FAT3: variants seen among roughly 807,000 people sequenced by gnomAD.
FAT3 encodes protocadherin Fat 3.
FAT3 carries 95 observed loss-of-function variants against 310.2 expected under a neutral mutation model. The ratio of observed to expected loss-of-function variants is 0.31; its 90% CI spans 0.26 to 0.36. FAT3 has a LOEUF of 0.36. Ranked by LOEUF, FAT3 falls within the 10% of genes least tolerant of loss-of-function variation. The pLI, the probability that FAT3 is intolerant of heterozygous loss-of-function variation, is 1.00. For missense variants in FAT3, 5,408 were observed against 5,715.6 expected, an observed-to-expected ratio of 0.95 and a Z score of 1.74; for synonymous variants, 2,314 against 2,192.9, an observed-to-expected ratio of 1.06 and a Z score of -1.54.
chr11:92,695,918 C>T (rs551819075), intron 3 of FAT3, among the ~76,000 whole-genome samples: 3 of 152,238 alleles, frequency 2.0e-5, no homozygotes, highest in Non-Finnish European at 4.4e-5. Flanking sequence ...AAAAATCTAG[C>T]TCAGTGTAGT....
At chr11:92,426,327 G>C (rs188724213) in intron 2 of FAT3, among the ~76,000 whole-genome samples, 24 of 152,168 alleles carry the variant, frequency 1.6e-4, no homozygotes, top group African/African-American at 4.8e-4. Flanking sequence ...CAATTATGTA[G>C]GTTGCCTGTT....
chr11:92,465,856 A>G lies in FAT3; in HGVS notation c.3293-58778A>G, dbSNP rs1219974793. ...GTAAAACTTAAAGTATAATAAAAAA[A>G]AATGCCTTTAAAAGTTAATTGTGGA... On this transcript the variant is annotated intron_variant, in intron 2 of 27. Transcript: ENST00000525166. Among the ~76,000 whole-genome samples, 4 of 152,312 alleles carry G rather than the reference A, an allele frequency of 2.6e-5. No individual in the cohort carries two copies. In the South Asian group the frequency reaches 6.2e-4, roughly 24 times the overall value.
At chr11:92,488,737 G>A (rs1952509111) in intron 2 of FAT3, among the ~76,000 whole-genome samples, 1 of 151,820 alleles carries the variant, frequency 6.6e-6, no homozygotes, top group Admixed American at 6.6e-5. Flanking sequence ...AGTGTTATTT[G>A]CTCAGCAAAG....
At chr11:92,870,118 C>T (rs1413558798) in intron 22 of FAT3, among the ~76,000 whole-genome samples, 5 of 152,200 alleles carry the variant, frequency 3.3e-5, no homozygotes, top group African/African-American at 1.2e-4. Context: ...TATTGGTCAT[C>T]GGTTCTCCTG....
At chr11:92,659,017 C>G (rs1942679980) in intron 3 of FAT3, among the ~76,000 whole-genome samples, 1 of 152,054 alleles carries the variant, frequency 6.6e-6, no homozygotes, top group Non-Finnish European at 1.5e-5. Context: ...TCCTCACTAT[C>G]TAACTGCAGG....
chr11:92,421,219 C>T (rs781328190), intron 2 of FAT3, among the ~76,000 whole-genome samples: 7 of 152,140 alleles, frequency 4.6e-5, no homozygotes, highest in East Asian at 1.9e-4. Flanking sequence ...AATGTCACTT[C>T]GAATTTAACT....
intron 1 of FAT3, among the ~76,000 whole-genome samples, chr11:92,236,700 C>T (rs772866119): frequency 2.6e-5 from 4 of 152,124 alleles, no homozygotes; most frequent in African/African-American, 4.8e-5. Context: ...GCACATAATT[C>T]ATAATATTGG....
At chr11:92,678,462 C>G (rs1943361393) in intron 3 of FAT3, among the ~76,000 whole-genome samples, 1 of 152,124 alleles carries the variant, frequency 6.6e-6, no homozygotes, top group African/African-American at 2.4e-5. Flanking sequence ...TAGCATCAAT[C>G]CATGCATGGA....
At chr11:92,876,061 G>A (rs1481635784) in intron 22 of FAT3, among the ~76,000 whole-genome samples, 2 of 152,016 alleles carry the variant, frequency 1.3e-5, no homozygotes, top group Admixed American at 6.5e-5. Flanking sequence ...CCTGCCCCCA[G>A]GTGCTTCTGA....
chr11:92,228,129 G>A (rs1426927090), intron 1 of FAT3, among the ~76,000 whole-genome samples: 1 of 152,104 alleles, frequency 6.6e-6, no homozygotes, highest in East Asian at 1.9e-4. Context: ...GAATCACACA[G>A]AGAACTCCAC....
chr11:92,816,486 G>A (rs1187531658), intron 13 of FAT3, among the ~76,000 whole-genome samples: 1 of 152,180 alleles, frequency 6.6e-6, no homozygotes, highest in African/African-American at 2.4e-5. Context: ...CCTCAGGCTG[G>A]CCCACCTGCA....
chr11:92,867,660 C>T (rs1329296241), intron 22 of FAT3, among the ~76,000 whole-genome samples: 1 of 152,118 alleles, frequency 6.6e-6, no homozygotes, highest in Non-Finnish European at 1.5e-5. Context: ...GAAGCTAAGA[C>T]TTACAACCTT....
intron 4 of FAT3, among the ~76,000 whole-genome samples, chr11:92,754,072 T>C (rs996947603): frequency 6.6e-6 from 1 of 151,732 alleles, no homozygotes; most frequent in Admixed American, 6.6e-5. Flanking sequence ...ATCCCACAAG[T>C]CACCACTAAA....
At chr11:92,291,080 T>TACACACACACACACACACACACAC (rs141883138) in intron 1 of FAT3, among the ~76,000 whole-genome samples, 2 of 142,796 alleles carry the variant, frequency 1.4e-5, no homozygotes, top group Non-Finnish European at 3.0e-5. Context: ...CTTTTTATTC[T>TACACACACACACACACACACACAC]ACACACACAC....
intron 1 of FAT3, among the ~76,000 whole-genome samples, chr11:92,327,146 G>A (rs151303692): frequency 3.9e-5 from 6 of 151,934 alleles, no homozygotes; most frequent in African/African-American, 1.2e-4. Flanking sequence ...TTTCTTTTTT[G>A]TCTGTGTTGA....
intron 1 of FAT3, among the ~76,000 whole-genome samples, chr11:92,300,040 C>T (rs530796295): frequency 5.3e-4 from 81 of 152,238 alleles, no homozygotes; most frequent in African/African-American, 1.9e-3. Flanking sequence ...ATGCTAGATG[C>T]TCATGATTCA....
At chr11:92,275,885 G>T (rs540817003) in intron 1 of FAT3, among the ~76,000 whole-genome samples, 1 of 151,884 alleles carries the variant, frequency 6.6e-6, no homozygotes, top group African/African-American at 2.4e-5. Context: ...AGTTGGATTA[G>T]GTATCTCATC....
intron 3 of FAT3, among the ~76,000 whole-genome samples, chr11:92,694,685 C>T (rs941539833): frequency 1.3e-5 from 2 of 152,154 alleles, no homozygotes; most frequent in Non-Finnish European, 2.9e-5. Flanking sequence ...AGAGAGTCCC[C>T]AGGGGAACAG....
At chr11:92,770,760 G>C (rs1392270354) in intron 6 of FAT3, among the ~76,000 whole-genome samples, 1 of 152,172 alleles carries the variant, frequency 6.6e-6, no homozygotes. Flanking sequence ...GAGGGACAGA[G>C]GTGCTTCGTA....
Sources: allele counts gnomAD v4.1 joint callset (sites outside exome capture counted in the v4.1 genomes callset), GRCh38; gene constraint gnomAD v4.1.1; transcripts MANE v1.5; gene names NCBI Gene and HGNC (gene_info 2026-07-23, HGNC 2026-07-21).